PSTPIP2: variants seen among roughly 807,000 people sequenced by gnomAD.
PSTPIP2 encodes the protein proline-serine-threonine phosphatase interacting protein 2.
PSTPIP2 carries 33 observed loss-of-function variants against 63.3 expected under a neutral mutation model. The observed-to-expected ratio is 0.52, with a 90% CI of 0.40 to 0.70. The LOEUF (loss-of-function observed/expected upper bound fraction) is 0.70, where lower values mean the gene tolerates loss of function less well. Ranked by LOEUF, PSTPIP2 falls within the 30% of genes least tolerant of loss-of-function variation. The pLI is 0.00. For synonymous variants in PSTPIP2, 125 were observed against 132.7 expected (o/e 0.94, Z 0.40); for missense variants, 312 against 400.7 (o/e 0.78, Z 1.89).
At chr18:45,997,052 T>C (rs1046601804) in intron 9 of PSTPIP2, among the ~76,000 whole-genome samples, 12 of 152,244 alleles carry the variant, frequency 7.9e-5, no homozygotes, top group African/African-American at 2.7e-4. Context: ...AGCTATTCTA[T>C]GCTTGTGCTA....
Position 45,984,390 on chromosome 18 carries a change from T to C in PSTPIP2, c.*1069A>G, listed in dbSNP as rs1455356844. The C allele has an allele frequency of 6.6e-6, 1 of 152,138 alleles. No individual in the cohort carries two copies. The highest frequency in any genetic ancestry group is 2.4e-5 in the African/African-American group (1 of 41,434). The allele number at this position is 152,138 out of a possible 1,614,324, so 9.4% of individuals were successfully genotyped here. A position where few individuals can be genotyped will look rare whatever the true frequency, so the allele number is the denominator to read the frequency against. On this transcript the variant is annotated 3_prime_UTR_variant, in exon 15 of 15. Coordinates refer to ENST00000409746, the MANE Select transcript of PSTPIP2 (RefSeq NM_024430.4). ...TGTGAGTGAAAAAGGAAAACCCAAA[T>C]ATTTGTGAAAGTGTAAGACGGATGC...
At chr18:46,067,065 T>C (rs115366706) in intron 1 of PSTPIP2, among the ~76,000 whole-genome samples, 2,133 of 151,030 alleles carry the variant, frequency 0.014, 49 homozygotes, top group African/African-American at 0.049. Flanking sequence ...ACGATTATTT[T>C]AAAGCTAGCT....
At chr18:45,985,857 AC>A (rs1259100483) in intron 14 of PSTPIP2, among the ~76,000 whole-genome samples, 1 of 150,500 alleles carries the variant, frequency 6.6e-6, no homozygotes, top group Non-Finnish European at 1.5e-5. Context: ...GCTCACTGCA[AC>A]CCCCGCCTCC....
At chr18:46,054,885 C>T (rs1043823271) in intron 1 of PSTPIP2, among the ~76,000 whole-genome samples, 4 of 151,976 alleles carry the variant, frequency 2.6e-5, no homozygotes, top group Admixed American at 6.6e-5. Context: ...TCTCAAACTC[C>T]TGACCTCGTT....
At chr18:46,040,901 G>T in intron 1 of PSTPIP2, 1 of 415,812 alleles carries the variant, frequency 2.4e-6, no homozygotes, top group South Asian at 1.7e-5. Context: ...GGCCAGGAGA[G>T]GGAGAAGGAG....
At chr18:46,056,822 C>CTCACACCGCT (rs1254365100) in intron 1 of PSTPIP2, among the ~76,000 whole-genome samples, 1 of 152,076 alleles carries the variant, frequency 6.6e-6, no homozygotes, top group Non-Finnish European at 1.5e-5. Context: ...TTTATCTTGG[C>CTCACACCGCT]CAGATGCGGT....
intron 1 of PSTPIP2, among the ~76,000 whole-genome samples, chr18:46,041,382 G>A (rs1171222769): frequency 6.6e-6 from 1 of 152,128 alleles, no homozygotes; most frequent in East Asian, 1.9e-4. Context: ...GAGTAGCTGG[G>A]ACTACAGGGA....
intron 2 of PSTPIP2, among the ~76,000 whole-genome samples, chr18:46,025,308 T>C (rs1014474466): frequency 6.6e-5 from 10 of 152,160 alleles, no homozygotes; most frequent in African/African-American, 2.4e-4. Context: ...AAAAAAATTA[T>C]ATAAGTAATA....
chr18:46,015,754 G>C, intron 4 of PSTPIP2, 149 bp downstream of exon 4: 3 of 799,408 alleles, frequency 3.8e-6, no homozygotes, highest in Non-Finnish European at 4.0e-6. Context: ...CTCATTTCGA[G>C]CCTGCAGAGC....
At chr18:46,071,076 T>C (rs951253043) in intron 1 of PSTPIP2, among the ~76,000 whole-genome samples, 3 of 151,878 alleles carry the variant, frequency 2.0e-5, no homozygotes, top group Non-Finnish European at 4.4e-5. Flanking sequence ...CTAGGGTGAG[T>C]AGTGCCCCAG....
chr18:46,024,493 A>C, intron 3 of PSTPIP2, 116 bp downstream of exon 3: 2 of 868,600 alleles, frequency 2.3e-6, no homozygotes, highest in Non-Finnish European at 3.8e-6. Flanking sequence ...CATCTCCAAA[A>C]AAATTTTTTT....
chr18:46,052,732 A>G (rs1908625776), intron 1 of PSTPIP2, among the ~76,000 whole-genome samples: 1 of 152,188 alleles, frequency 6.6e-6, no homozygotes, highest in African/African-American at 2.4e-5. Context: ...ACAAAAGTAG[A>G]TTTACAGTTT....
chr18:46,056,798 A>T (rs752118022), intron 1 of PSTPIP2, among the ~76,000 whole-genome samples: 1 of 151,998 alleles, frequency 6.6e-6, no homozygotes, highest in African/African-American at 2.4e-5. Flanking sequence ...TTAAAATATT[A>T]CATTAAAGAA....
At chr18:46,051,240 C>T (rs1338975869) in intron 1 of PSTPIP2, among the ~76,000 whole-genome samples, 1 of 152,102 alleles carries the variant, frequency 6.6e-6, no homozygotes, top group Non-Finnish European at 1.5e-5. Context: ...CTTTGGGAGG[C>T]CAAGGCAGGA....
chr18:46,031,957 G>C (rs1019100114), intron 2 of PSTPIP2, among the ~76,000 whole-genome samples: 1 of 152,166 alleles, frequency 6.6e-6, no homozygotes, highest in Non-Finnish European at 1.5e-5. Flanking sequence ...CATAAAACCA[G>C]GGAACAACCA....
chr18:46,040,088 G>A (rs767885443), intron 1 of PSTPIP2, 41 bp from the exon 2 acceptor site: 9 of 1,475,654 alleles, frequency 6.1e-6, no homozygotes, highest in Non-Finnish European at 8.3e-6. Context: ...GGAACAGAAG[G>A]CAGCCCCCAA....
chr18:46,002,602 TC>T (rs1398716303), intron 6 of PSTPIP2, among the ~76,000 whole-genome samples: 1 of 152,222 alleles, frequency 6.6e-6, no homozygotes, highest in Non-Finnish European at 1.5e-5. Context: ...CTTTATATCT[TC>T]TATTTCTTTG....
Position 46,015,902 on chromosome 18 carries a change from C to G in PSTPIP2, c.247+1G>C. 1 of 1,611,390 alleles carries G rather than the reference C, an allele frequency of 6.2e-7. No individual in the cohort carries two copies. The highest frequency in any genetic ancestry group is 8.5e-7 in the Non-Finnish European group (1 of 1,178,514). ...CATTTTTTAAAAAAAAAATCACTTACGCTGCTTGAAGACTTCAAGGGCCCG... is the reference window on the plus strand; with the variant it reads ...CATTTTTTAAAAAAAAAATCACTTAGGCTGCTTGAAGACTTCAAGGGCCCG... On this transcript the variant is annotated splice_donor_variant, in intron 4 of 14. Transcript: ENST00000409746. LOFTEE classifies it high-confidence loss of function.
intron 4 of PSTPIP2, among the ~76,000 whole-genome samples, chr18:46,012,943 A>G (rs8096567): frequency 0.02 from 3,038 of 152,296 alleles, 104 homozygotes; most frequent in African/African-American, 0.069. Flanking sequence ...ACTTATGTAT[A>G]TGAATAAACA....
Sources: allele counts gnomAD v4.1 joint callset (sites outside exome capture counted in the v4.1 genomes callset), GRCh38; gene constraint gnomAD v4.1.1; transcripts MANE v1.5; gene names NCBI Gene and HGNC (gene_info 2026-07-23, HGNC 2026-07-21).